Variants in BRD1 observed in about 807,000 individuals in gnomAD.
BRD1 encodes the protein bromodomain containing 1.
In BRD1, 24 loss-of-function variants were observed where a neutral mutation model predicts 107.7. The observed-to-expected ratio is 0.22, with a 90% CI of 0.16 to 0.31. The LOEUF (loss-of-function observed/expected upper bound fraction) is 0.31. Ranked by LOEUF, BRD1 falls within the 10% of genes least tolerant of loss-of-function variation. The pLI is 1.00. For synonymous variants in BRD1, 744 were observed against 686.1 expected (o/e 1.08, Z -1.32); for missense variants, 1,279 against 1,638.6 (o/e 0.78, Z 3.79).
chr22:49,794,463 C>T (rs1002377230), intron 6 of BRD1, among the ~76,000 whole-genome samples, 169 bp from the exon 7 acceptor site: 1 of 152,246 alleles, frequency 6.6e-6, no homozygotes, highest in Non-Finnish European at 1.5e-5. Flanking sequence ...TCTGAACCCA[C>T]GAGTAGCTGC....
At chr22:49,807,174 G>A (rs539103373) in intron 2 of BRD1, 1 of 152,224 alleles carries the variant, frequency 6.6e-6, no homozygotes, top group East Asian at 1.9e-4. Context: ...TGGATAGGAA[G>A]ACCAATATTG....
intron 1 of BRD1, chr22:49,826,374 G>A (rs796310286): frequency 2.0e-5 from 11 of 563,874 alleles, no homozygotes; most frequent in African/African-American, 1.8e-4. Flanking sequence ...CAGCAGGGCA[G>A]GGCGACCCAC....
Position 49,777,114 on chromosome 22 carries a change from C to G in BRD1, c.3041G>C (p.Arg1014Pro). ...CTCACTGCGGTCCTCCAGCGTGTGCCGTCGCACAAGAGCCGGTTTGCCCCG... is the reference window on the plus strand; with the variant it reads ...CTCACTGCGGTCCTCCAGCGTGTGCGGTCGCACAAGAGCCGGTTTGCCCCG... ...CGRGKPALVR[R>P]HTLEDRSELI... The change falls in exon 10 of 13, where the codon CGG (arginine) becomes CCG (proline). Residue 1014 changes from arginine to proline, a missense_variant. Transcript: ENST00000404760. 3.1e-6 allele frequency: 5 copies of G among 1,613,358 alleles called. No homozygotes were observed. Among genetic ancestry groups the G allele is most frequent in the Non-Finnish European group, 4.2e-6 (5 of 1,180,000 alleles).
chr22:49,827,289 C>CG (rs1190837085), intron 1 of BRD1, among the ~76,000 whole-genome samples: 1 of 150,640 alleles, frequency 6.6e-6, no homozygotes, highest in African/African-American at 2.4e-5. Flanking sequence ...CCCGGCCGCC[C>CG]GGCCCGACCT....
intron 2 of BRD1, among the ~76,000 whole-genome samples, chr22:49,809,792 G>T (rs929166197): frequency 6.6e-6 from 1 of 152,108 alleles, no homozygotes; most frequent in Non-Finnish European, 1.5e-5. Context: ...GGGACATCTT[G>T]AAAATATCAA....
rs1015808844 is a variant in BRD1 at position 49,827,834 on chromosome 22, G to A, written c.-352C>T. Among the ~76,000 whole-genome samples the A allele has an allele frequency of 3.6e-4, 53 of 146,192 alleles. No homozygotes were observed. Among genetic ancestry groups the A allele is most frequent in the Non-Finnish European group, 6.8e-4 (45 of 65,772 alleles). ...ACGCGGGGCTGGCTCGGACTCCAGG[G>A]CCGGGTCGCTCGCTCGCTCCCCAGC... On this transcript the variant is annotated 5_prime_UTR_variant, in exon 1 of 13. Coordinates refer to ENST00000404760, the MANE Select transcript of BRD1 (RefSeq NM_001304808.3).
In BRD1 at chr22:49,826,416, G is replaced by A. The variant is rs576954841; in HGVS notation, c.-15+1081C>T. 2.6e-5 allele frequency among the ~76,000 whole-genome samples: 4 copies of A among 152,364 alleles called. No individual in the cohort carries two copies. In the East Asian group the frequency reaches 5.8e-4, roughly 22 times the overall value. On this transcript the variant is annotated intron_variant, in intron 1 of 12. Coordinates refer to ENST00000404760, the MANE Select transcript of BRD1 (RefSeq NM_001304808.3). ...CTCTGCTTCACCGCTTCCCCCCTGG[G>A]CCGGTTCTGTCCCTGGCCCTTCCAC...
intron 2 of BRD1, chr22:49,818,170 G>T: frequency 4.9e-6 from 5 of 1,028,836 alleles, no homozygotes; most frequent in Non-Finnish European, 5.9e-6. Context: ...GAAGGCGGGA[G>T]GAAAACCTCA....
chr22:49,815,819 G>A (rs1471449386), intron 2 of BRD1, among the ~76,000 whole-genome samples: 1 of 152,230 alleles, frequency 6.6e-6, no homozygotes, highest in Non-Finnish European at 1.5e-5. Context: ...GGCACTGGCT[G>A]GACCTGCCCT....
chr22:49,817,230 C>A (rs758540485), intron 2 of BRD1: 85 of 156,998 alleles, frequency 5.4e-4, no homozygotes, highest in Non-Finnish European at 1.0e-3. Flanking sequence ...CAAGGAGTCA[C>A]CCCTGGAGGT....
At chr22:49,793,425 T>C (rs1172898986) in intron 7 of BRD1, among the ~76,000 whole-genome samples, 2 of 152,224 alleles carry the variant, frequency 1.3e-5, no homozygotes, top group South Asian at 2.1e-4. Flanking sequence ...ACATCTTTGC[T>C]GCCTGGACCT....
chr22:49,793,892 T>G, intron 7 of BRD1, 142 bp downstream of exon 7: 1 of 1,139,482 alleles, frequency 8.8e-7, no homozygotes, highest in Non-Finnish European at 1.2e-6. Flanking sequence ...TGTTCCGGGA[T>G]TTGTGAATTT....
Position 49,804,440 on chromosome 22 carries a change from C to T in BRD1, c.1368-80G>A, listed in dbSNP as rs140259143. On this transcript the variant is annotated intron_variant, in intron 2 of 12. Coordinates refer to ENST00000404760, the MANE Select transcript of BRD1 (RefSeq NM_001304808.3). ...ACATAAACTAGAAATGACAGTACTA[C>T]TGCTAACAAAACCATGTGTTCATAC... 1,043 of 1,457,006 alleles carry T rather than the reference C, an allele frequency of 7.2e-4. 6 individuals carry two copies. The African/African-American group carries it at 0.012, about 16-fold the overall frequency. 90.3% of individuals were successfully genotyped at this position (1,457,006 alleles called of 1,614,324 possible).
At chr22:49,807,408 G>A (rs190618202) in intron 2 of BRD1, among the ~76,000 whole-genome samples, 158 of 152,288 alleles carry the variant, frequency 1.0e-3, no homozygotes, top group African/African-American at 3.2e-3. Context: ...CGGTGCTGAC[G>A]AAAGGACACA....
At chr22:49,812,853 T>C (rs936759305) in intron 2 of BRD1, among the ~76,000 whole-genome samples, 11 of 151,270 alleles carry the variant, frequency 7.3e-5, no homozygotes, top group Non-Finnish European at 1.6e-4. Context: ...AGGACCGTTC[T>C]GGAGACAAGG....
In BRD1 at chr22:49,809,096, G is replaced by A. The variant is rs1232916746; in HGVS notation, c.1368-4736C>T. On this transcript the variant is annotated intron_variant, in intron 2 of 12. Transcript: ENST00000404760. ...ATCACACCACTGCACTCCAGCCTGG[G>A]CAACATAGCAAGACTCAGTCTCAGA... Among the ~76,000 whole-genome samples, 4 of 152,194 alleles carry A rather than the reference G, an allele frequency of 2.6e-5. No individual in the cohort carries two copies. The East Asian group carries it at 7.7e-4, about 29-fold the overall frequency.
intron 2 of BRD1, among the ~76,000 whole-genome samples, chr22:49,813,282 C>T (rs1601717591): frequency 6.6e-6 from 1 of 152,162 alleles, no homozygotes; most frequent in South Asian, 2.1e-4. Context: ...AGTGCAGTGG[C>T]ATGATCTCAG....
intron 8 of BRD1, among the ~76,000 whole-genome samples, chr22:49,779,268 C>G (rs116627492): frequency 2.6e-5 from 4 of 152,152 alleles, no homozygotes; most frequent in African/African-American, 9.7e-5. Context: ...GTACGCTTCC[C>G]GTCTGTTCTC....
At chr22:49,787,245 G>A (rs1949629533) in intron 8 of BRD1, 145 bp downstream of exon 8, 2 of 1,121,932 alleles carry the variant, frequency 1.8e-6, no homozygotes, top group Admixed American at 2.9e-5. Flanking sequence ...AGAAAACACT[G>A]CACTGTTGTC....
Sources: allele counts gnomAD v4.1 joint callset (sites outside exome capture counted in the v4.1 genomes callset), GRCh38; gene constraint gnomAD v4.1.1; transcripts MANE v1.5; gene names NCBI Gene and HGNC (gene_info 2026-07-23, HGNC 2026-07-21).